The following SLC39A11 variants were observed in gnomAD, a reference collection of about 807,000 sequenced individuals.
SLC39A11 encodes the protein zinc transporter ZIP11.
A neutral mutation model predicts 36.1 loss-of-function variants in SLC39A11; 33 were observed. That is an observed-to-expected ratio of 0.91 (90% CI 0.69 to 1.22). SLC39A11 has a LOEUF of 1.22. Ranked by LOEUF, SLC39A11 falls within the 50% of genes most tolerant of loss-of-function variation. The pLI, the probability that SLC39A11 is intolerant of heterozygous loss-of-function variation, is 0.00. For missense variants in SLC39A11, 432 were observed against 430.3 expected (o/e 1.00, Z -0.03); for synonymous variants, 166 against 170.3 (o/e 0.97, Z 0.20).
At chr17:73,068,888 A>C (rs1454772685) in intron 3 of SLC39A11, among the ~76,000 whole-genome samples, 1 of 152,144 alleles carries the variant, frequency 6.6e-6, no homozygotes, top group Non-Finnish European at 1.5e-5. Context: ...TTAAAAGCAC[A>C]GCTCTGATCC....
chr17:72,649,097 A>C, intron 8 of SLC39A11, 73 bp downstream of exon 8: 1 of 1,559,320 alleles, frequency 6.4e-7, no homozygotes, highest in Non-Finnish European at 8.8e-7. Context: ...GTGCAAAAGC[A>C]CATCACTGTT....
rs79449901 is a variant in SLC39A11 at position 72,774,639 on chromosome 17, A to G, written c.602-37920T>C. Among the ~76,000 whole-genome samples, 855 of 152,288 alleles carry G rather than the reference A, an allele frequency of 5.6e-3. 11 individuals are homozygous for G. The highest frequency in any genetic ancestry group is 0.019 in the African/African-American group (798 of 41,558). On this transcript the variant is annotated intron_variant, in intron 6 of 9. Transcript: ENST00000255559. ...GACTCTGATCTTGCATTAATTGGGC[A>G]TGTCAGTTGGCCTTAAGAATTCAAT...
chr17:72,743,766 G>GA (rs1375394979), intron 6 of SLC39A11, among the ~76,000 whole-genome samples: 3 of 152,116 alleles, frequency 2.0e-5, no homozygotes, highest in African/African-American at 7.2e-5. Context: ...AGGAAAGGAG[G>GA]AAAAATGCTG....
intron 7 of SLC39A11, among the ~76,000 whole-genome samples, chr17:72,679,217 G>A (rs2071404406): frequency 6.6e-6 from 1 of 152,046 alleles, no homozygotes. Context: ...AGTATAGTAG[G>A]GAAATTATAG....
intron 4 of SLC39A11, among the ~76,000 whole-genome samples, chr17:73,016,419 C>A (rs952952033): frequency 6.6e-6 from 1 of 152,006 alleles, no homozygotes; most frequent in Non-Finnish European, 1.5e-5. Context: ...CTGCAACCTC[C>A]CCCTCCCAAG....
Position 72,662,645 on chromosome 17 carries a change from A to AAGAGAG in SLC39A11, c.672-13378_672-13377insCTCTCT, listed in dbSNP as rs373566908. ...AAGAAAGAGAAGAAAGAGAGAAAGAAAAAGAAAAAAGAAAAGAAAAAGGAA... is the reference window on the plus strand; with the variant it reads ...AAGAAAGAGAAGAAAGAGAGAAAGAAAGAGAGAAAGAAAAAAGAAAAGAAAAAGGAA... On this transcript the variant is annotated intron_variant, in intron 7 of 9. Transcript: ENST00000255559. Among the ~76,000 whole-genome samples the AAGAGAG allele has an allele frequency of 3.4e-5, 5 of 147,542 alleles. 1 individual carries two copies. Among genetic ancestry groups the AAGAGAG allele is most frequent in the East Asian group, 2.0e-4 (1 of 5,098 alleles).
At chr17:72,728,385 T>G (rs550218696) in intron 7 of SLC39A11, among the ~76,000 whole-genome samples, 23 of 151,944 alleles carry the variant, frequency 1.5e-4, no homozygotes, top group Non-Finnish European at 2.6e-4. Context: ...GAGGGTGCAG[T>G]GAGCCATGAT....
chr17:73,011,184 G>T (rs1015455725), intron 4 of SLC39A11, among the ~76,000 whole-genome samples: 11 of 152,242 alleles, frequency 7.2e-5, no homozygotes, highest in African/African-American at 2.7e-4. Flanking sequence ...TTGTGGGGAA[G>T]AAATGCACAA....
intron 7 of SLC39A11, among the ~76,000 whole-genome samples, chr17:72,664,691 C>A (rs570342493): frequency 1.3e-5 from 2 of 152,348 alleles, no homozygotes; most frequent in African/African-American, 4.8e-5. Context: ...GTTGAAGACA[C>A]TGCAGTGGCT....
intron 5 of SLC39A11, among the ~76,000 whole-genome samples, chr17:72,857,949 TC>T (rs1372551202): frequency 7.2e-5 from 11 of 152,250 alleles, no homozygotes; most frequent in African/African-American, 2.7e-4. Flanking sequence ...GTTGATAGTT[TC>T]TTTTGCTGTG....
rs533669006 is a variant in SLC39A11 at position 72,791,172 on chromosome 17, C to T, written c.602-54453G>A. On this transcript the variant is annotated intron_variant, in intron 6 of 9. Coordinates refer to ENST00000255559, the MANE Select transcript of SLC39A11 (RefSeq NM_139177.4). ...TCTGATGCATGTTAAGTTTGAGAAC[C>T]GGCTGGGCACAGTGGCTCATGCCTG... Among the ~76,000 whole-genome samples the T allele has an allele frequency of 1.6e-4, 24 of 151,952 alleles. 1 individual carries two copies. The highest frequency in any genetic ancestry group is 1.0e-3 in the Admixed American group (16 of 15,244).
intron 7 of SLC39A11, among the ~76,000 whole-genome samples, chr17:72,655,942 C>A (rs994590931): frequency 1.3e-5 from 2 of 152,046 alleles, no homozygotes; most frequent in Non-Finnish European, 2.9e-5. Context: ...GGCAGCCTCC[C>A]GGGGGGCTGG....
chr17:72,844,456 T>TC (rs575566310), intron 6 of SLC39A11, among the ~76,000 whole-genome samples: 19 of 152,000 alleles, frequency 1.3e-4, no homozygotes, highest in Non-Finnish European at 2.4e-4. Flanking sequence ...ATCAGTTGAG[T>TC]CCAGGAGTTC....
intron 5 of SLC39A11, among the ~76,000 whole-genome samples, chr17:72,914,320 GA>G (rs145772163): frequency 7.8e-5 from 11 of 141,470 alleles, no homozygotes; most frequent in African/African-American, 2.4e-4. Flanking sequence ...CATCTCGGGG[GA>G]AAAAAAAAAG....
chr17:72,872,755 A>G (rs373742635), intron 5 of SLC39A11, among the ~76,000 whole-genome samples: 7 of 152,250 alleles, frequency 4.6e-5, no homozygotes, highest in East Asian at 1.9e-4. Context: ...ATTGGCCACC[A>G]GGTTAGAATT....
At chr17:72,705,494 T>C (rs951485780) in intron 7 of SLC39A11, among the ~76,000 whole-genome samples, 2 of 152,220 alleles carry the variant, frequency 1.3e-5, no homozygotes, top group African/African-American at 2.4e-5. Context: ...TGACACCAGC[T>C]GGCCACTTGT....
chr17:72,940,961 A>G (rs764729957), intron 5 of SLC39A11, among the ~76,000 whole-genome samples: 11 of 152,228 alleles, frequency 7.2e-5, no homozygotes, highest in Non-Finnish European at 1.0e-4. Context: ...CCCTAATCCA[A>G]TATGACTGGT....
intron 3 of SLC39A11, among the ~76,000 whole-genome samples, chr17:73,063,580 A>G (rs781702459): frequency 1.3e-5 from 2 of 151,994 alleles, no homozygotes; most frequent in Non-Finnish European, 2.9e-5. Flanking sequence ...GTGTCACTGC[A>G]CTCCAGCCTG....
At chr17:72,728,839 T>A (rs1391355351) in intron 7 of SLC39A11, among the ~76,000 whole-genome samples, 1 of 152,146 alleles carries the variant, frequency 6.6e-6, no homozygotes, top group Non-Finnish European at 1.5e-5. Context: ...GGCACGAGAT[T>A]AACCTACGTC....
Sources: allele counts gnomAD v4.1 joint callset (sites outside exome capture counted in the v4.1 genomes callset), GRCh38; gene constraint gnomAD v4.1.1; transcripts MANE v1.5; gene names NCBI Gene and HGNC (gene_info 2026-07-23, HGNC 2026-07-21).